The following CSMD1 variants were observed in gnomAD, a reference collection of about 807,000 sequenced individuals.
CSMD1 encodes CUB and sushi domain-containing protein 1.
Under a neutral mutation model 417.5 loss-of-function variants are expected in CSMD1, and 213 were observed. The observed-to-expected ratio is 0.51, with a 90% CI of 0.46 to 0.57. The LOEUF (loss-of-function observed/expected upper bound fraction) is 0.57. Ranked by LOEUF, CSMD1 falls within the 20% of genes least tolerant of loss-of-function variation. CSMD1 has a pLI of 0.00. For synonymous variants in CSMD1, 2,862 were observed against 1,736.8 expected, an observed-to-expected ratio of 1.65 and a Z score of -16.11; for missense variants, 6,923 against 4,529.7, an observed-to-expected ratio of 1.53 and a Z score of -15.17.
intron 2 of CSMD1, among the ~76,000 whole-genome samples, chr8:4,446,240 C>G (rs144813977): frequency 7.2e-5 from 11 of 152,280 alleles, no homozygotes; most frequent in African/African-American, 2.6e-4. Context: ...ACCTTTGGGA[C>G]AGAAGATCAC....
chr8:4,963,493 C>G (rs995575262), intron 1 of CSMD1, among the ~76,000 whole-genome samples: 3 of 152,204 alleles, frequency 2.0e-5, no homozygotes, highest in African/African-American at 7.2e-5. Context: ...AGACACCATG[C>G]CTGGCCCCTC....
Position 2,990,929 on chromosome 8 carries a change from T to C in CSMD1, c.8377+7082A>G, listed in dbSNP as rs6981408. On this transcript the variant is annotated intron_variant, in intron 54 of 69. Coordinates refer to ENST00000635120, the MANE Select transcript of CSMD1 (RefSeq NM_033225.6). Reference sequence around the variant, plus strand: ...GGAAGCGCAGAACTGCTCTGGTCTTTCTTCATTCACCGCCTTTCCCACATT... The same window carrying C: ...GGAAGCGCAGAACTGCTCTGGTCTTCCTTCATTCACCGCCTTTCCCACATT... 5.8e-3 allele frequency among the ~76,000 whole-genome samples: 891 copies of C among 152,322 alleles called. 8 individuals carry two copies. Among genetic ancestry groups the C allele is most frequent in the African/African-American group, 0.02 (850 of 41,574 alleles).
chr8:3,005,124 G>C (rs1412936636), intron 52 of CSMD1, among the ~76,000 whole-genome samples: 1 of 152,134 alleles, frequency 6.6e-6, no homozygotes, highest in East Asian at 1.9e-4. Flanking sequence ...GGACGACAGA[G>C]CAAGACTCTG....
chr8:3,884,284 C>G (rs1806405307), intron 5 of CSMD1, among the ~76,000 whole-genome samples: 1 of 152,148 alleles, frequency 6.6e-6, no homozygotes, highest in Non-Finnish European at 1.5e-5. Context: ...CATACAATGG[C>G]CACTTGTGTT....
chr8:4,242,514 A>G (rs536503738), intron 3 of CSMD1, among the ~76,000 whole-genome samples: 13 of 152,360 alleles, frequency 8.5e-5, no homozygotes, highest in African/African-American at 3.1e-4. Flanking sequence ...TTTATTAAGT[A>G]TCTTAAAAAT....
chr8:4,722,667 C>T (rs185932963), intron 1 of CSMD1, among the ~76,000 whole-genome samples: 2 of 150,656 alleles, frequency 1.3e-5, no homozygotes, highest in Admixed American at 6.6e-5. Flanking sequence ...CTATCCTCAG[C>T]GGAAAAAAAA....
chr8:3,405,357 T>G (rs563696724), intron 15 of CSMD1, among the ~76,000 whole-genome samples: 1 of 152,194 alleles, frequency 6.6e-6, no homozygotes, highest in Non-Finnish European at 1.5e-5. Context: ...TCTTTTTCCT[T>G]AAAATATTTT....
chr8:4,294,514 T>A (rs1797557627), intron 3 of CSMD1, among the ~76,000 whole-genome samples: 1 of 152,128 alleles, frequency 6.6e-6, no homozygotes, highest in Non-Finnish European at 1.5e-5. Flanking sequence ...TGCCATGAGT[T>A]CCTCCACTTT....
chr8:3,328,083 A>C (rs539804248), intron 23 of CSMD1, among the ~76,000 whole-genome samples: 2 of 152,274 alleles, frequency 1.3e-5, no homozygotes, highest in African/African-American at 4.8e-5. Flanking sequence ...TGAGACTCAC[A>C]ATGAGGGCAT....
chr8:3,407,199 G>C (rs1337947938), intron 14 of CSMD1, among the ~76,000 whole-genome samples: 2 of 151,556 alleles, frequency 1.3e-5, no homozygotes, highest in Admixed American at 6.6e-5. Flanking sequence ...TGGATGAATG[G>C]ATGGATGGGT....
chr8:4,445,478 CAA>C (rs1798728291), intron 2 of CSMD1, among the ~76,000 whole-genome samples: 1 of 152,146 alleles, frequency 6.6e-6, no homozygotes, highest in Non-Finnish European at 1.5e-5. Flanking sequence ...TTAAGAAAGT[CAA>C]AGTCTTTGCT....
In CSMD1 at chr8:3,247,581, G is replaced by C. The variant is rs1799965251; in HGVS notation, c.4154-17350C>G. Among the ~76,000 whole-genome samples, 6 of 152,264 alleles carry C rather than the reference G, an allele frequency of 3.9e-5. No homozygotes were observed. The South Asian group carries it at 1.2e-3, about 32-fold the overall frequency. ...CTTGAATACGCAGAGGATGGCCCAGGACATTCTCCCTTCCCTGTGGGGAGA... is the reference window on the plus strand; with the variant it reads ...CTTGAATACGCAGAGGATGGCCCAGCACATTCTCCCTTCCCTGTGGGGAGA... On this transcript the variant is annotated intron_variant, in intron 26 of 69. Coordinates refer to ENST00000635120, the MANE Select transcript of CSMD1 (RefSeq NM_033225.6).
chr8:4,236,880 C>T (rs548959770), intron 3 of CSMD1, among the ~76,000 whole-genome samples: 178 of 152,260 alleles, frequency 1.2e-3, no homozygotes, highest in African/African-American at 4.0e-3. Flanking sequence ...ACAGGCCAGG[C>T]AATGGTATAA....
intron 3 of CSMD1, among the ~76,000 whole-genome samples, chr8:4,381,064 T>C (rs111463273): frequency 7.0e-4 from 106 of 152,318 alleles, no homozygotes; most frequent in African/African-American, 2.3e-3. Flanking sequence ...TTGTGGGTTA[T>C]ATTAGGTTGG....
At chr8:4,794,958 G>T (rs1334599683) in intron 1 of CSMD1, among the ~76,000 whole-genome samples, 1 of 151,528 alleles carries the variant, frequency 6.6e-6, no homozygotes, top group Non-Finnish European at 1.5e-5. Flanking sequence ...TGTTTCCATG[G>T]TGGAGTAAAG....
intron 3 of CSMD1, among the ~76,000 whole-genome samples, chr8:4,381,419 G>T (rs775508169): frequency 3.3e-5 from 5 of 152,120 alleles, no homozygotes; most frequent in Non-Finnish European, 5.9e-5. Flanking sequence ...ATTTCCTGAC[G>T]TAAAACCCAT....
intron 52 of CSMD1, among the ~76,000 whole-genome samples, chr8:3,016,249 A>T (rs1465599661): frequency 2.0e-5 from 3 of 152,174 alleles, no homozygotes; most frequent in African/African-American, 4.8e-5. Context: ...TTGCTACTCT[A>T]CTAAATATTT....
chr8:3,322,295 A>G (rs1186720191), intron 23 of CSMD1, among the ~76,000 whole-genome samples: 1 of 152,192 alleles, frequency 6.6e-6, no homozygotes, highest in African/African-American at 2.4e-5. Flanking sequence ...ACTTAGAGCC[A>G]TTTTATTCCT....
intron 3 of CSMD1, among the ~76,000 whole-genome samples, chr8:4,301,959 T>C (rs539943251): frequency 7.9e-5 from 12 of 152,346 alleles, no homozygotes; most frequent in Admixed American, 3.3e-4. Flanking sequence ...TTATCCTTCT[T>C]AGTGCCTCAA....
Sources: allele counts gnomAD v4.1 joint callset (sites outside exome capture counted in the v4.1 genomes callset), GRCh38; gene constraint gnomAD v4.1.1; transcripts MANE v1.5; gene names NCBI Gene and HGNC (gene_info 2026-07-23, HGNC 2026-07-21).